The following LIMCH1 variants were observed in gnomAD, a reference collection of about 807,000 sequenced individuals.
LIMCH1 encodes LIM and calponin homology domains 1.
LIMCH1 carries 113 observed loss-of-function variants against 176.5 expected under a neutral mutation model. That is an observed-to-expected ratio of 0.64 (90% CI 0.55 to 0.75). The LOEUF (loss-of-function observed/expected upper bound fraction) is 0.75, where lower values mean the gene tolerates loss of function less well. Ranked by LOEUF, LIMCH1 falls within the 30% of genes least tolerant of loss-of-function variation. The pLI is 0.00. For missense variants in LIMCH1, 1,674 were observed against 1,814.9 expected (o/e 0.92, Z 1.41); for synonymous variants, 619 against 645.9 (o/e 0.96, Z 0.63).
intron 1 of LIMCH1, among the ~76,000 whole-genome samples, chr4:41,477,688 G>T (rs911411187): frequency 6.6e-6 from 1 of 152,156 alleles, no homozygotes; most frequent in Admixed American, 6.6e-5. Flanking sequence ...CTGACTAGGC[G>T]TTGCTACACA....
At chr4:41,509,514 G>T (rs1047223337) in intron 2 of LIMCH1, among the ~76,000 whole-genome samples, 1 of 152,146 alleles carries the variant, frequency 6.6e-6, no homozygotes, top group Non-Finnish European at 1.5e-5. Context: ...ATCACAATTG[G>T]CCACGCTGAC....
intron 1 of LIMCH1, among the ~76,000 whole-genome samples, chr4:41,550,011 A>T (rs927454068): frequency 2.6e-5 from 4 of 151,754 alleles, no homozygotes; most frequent in Non-Finnish European, 5.9e-5. Flanking sequence ...AAATAATGGC[A>T]AAATAAAAAG....
chr4:41,475,209 CTG>C (rs2067550602), intron 1 of LIMCH1, among the ~76,000 whole-genome samples: 1 of 152,176 alleles, frequency 6.6e-6, no homozygotes, highest in Non-Finnish European at 1.5e-5. Context: ...AAGATGTTGA[CTG>C]TTTATAAATA....
chr4:41,626,113 TG>T (rs1311639940), intron 7 of LIMCH1, among the ~76,000 whole-genome samples: 1 of 152,150 alleles, frequency 6.6e-6, no homozygotes, highest in Non-Finnish European at 1.5e-5. Context: ...ATAAGCTTCC[TG>T]GGAGTGGAGG....
At chr4:41,564,525 A>C (rs1389572108) in intron 1 of LIMCH1, among the ~76,000 whole-genome samples, 1 of 152,094 alleles carries the variant, frequency 6.6e-6, no homozygotes, top group African/African-American at 2.4e-5. Context: ...CATACATTAA[A>C]CCCGATATTT....
chr4:41,472,741 T>G (rs1420643614), intron 1 of LIMCH1, among the ~76,000 whole-genome samples: 1 of 152,196 alleles, frequency 6.6e-6, no homozygotes, highest in African/African-American at 2.4e-5. Context: ...ATAATTTTCC[T>G]GCAAGGTAGT....
At chr4:41,511,669 G>A (rs2074942259) in intron 2 of LIMCH1, among the ~76,000 whole-genome samples, 1 of 152,182 alleles carries the variant, frequency 6.6e-6, no homozygotes, top group African/African-American at 2.4e-5. Flanking sequence ...AAGGGAGGAC[G>A]GGAAGAAGAA....
intron 2 of LIMCH1, among the ~76,000 whole-genome samples, chr4:41,497,665 C>T (rs1229556599): frequency 1.3e-5 from 2 of 152,046 alleles, no homozygotes; most frequent in Non-Finnish European, 2.9e-5. Flanking sequence ...ATTAGCTGGG[C>T]TTGGTGGCGG....
At chr4:41,476,739 A>G (rs2067809583) in intron 1 of LIMCH1, among the ~76,000 whole-genome samples, 1 of 152,110 alleles carries the variant, frequency 6.6e-6, no homozygotes, top group Non-Finnish European at 1.5e-5. Flanking sequence ...CCCTTAATGG[A>G]TATGTATTTT....
Position 41,422,117 on chromosome 4 carries a change from A to T in LIMCH1, c.96+61181A>T, listed in dbSNP as rs868844233. Reference sequence around the variant, plus strand: ...AAAGAAACAAATAAACAAACAACAGAGAGTGAGAGAGATTAGAGACTTTTC... The same window carrying T: ...AAAGAAACAAATAAACAAACAACAGTGAGTGAGAGAGATTAGAGACTTTTC... On this transcript the variant is annotated intron_variant, in intron 1 of 26. Coordinates refer to the LIMCH1 transcript ENST00000313860. Among the ~76,000 whole-genome samples, 650 of 152,274 alleles carry T rather than the reference A, an allele frequency of 4.3e-3. 4 individuals are homozygous for T. The highest frequency in any genetic ancestry group is 0.015 in the African/African-American group (627 of 41,564).
intron 1 of LIMCH1, among the ~76,000 whole-genome samples, chr4:41,414,786 T>G (rs2059784766): frequency 6.6e-6 from 1 of 152,170 alleles, no homozygotes. Context: ...TACAAGTGGG[T>G]CTCAATATAT....
chr4:41,524,512 A>G, intron 3 of LIMCH1: 1 of 1,511,932 alleles, frequency 6.6e-7, no homozygotes, highest in Non-Finnish European at 9.2e-7. Context: ...ATTTTCCAAT[A>G]TTCCTTTGCT....
In LIMCH1 at chr4:41,371,144, C is replaced by T. The variant is rs534745446; in HGVS notation, c.96+10208C>T. ...CGAAACTTCTAAAAAGATCATGGTC[C>T]CAAGTAACTACCTAACCAAGCAGGT... On this transcript the variant is annotated intron_variant, in intron 1 of 26. Coordinates refer to the LIMCH1 transcript ENST00000313860. Among the ~76,000 whole-genome samples, 3 of 152,228 alleles carry T rather than the reference C, an allele frequency of 2.0e-5. No homozygotes were observed. In the South Asian group the frequency reaches 6.2e-4, roughly 32 times the overall value.
At chr4:41,436,240 A>G (rs953042872) in intron 1 of LIMCH1, among the ~76,000 whole-genome samples, 3 of 151,978 alleles carry the variant, frequency 2.0e-5, no homozygotes. Flanking sequence ...AGGTACCTGG[A>G]CTCCACAACT....
intron 15 of LIMCH1, among the ~76,000 whole-genome samples, chr4:41,645,176 A>G (rs940752757): frequency 1.2e-4 from 19 of 152,186 alleles, no homozygotes; most frequent in Admixed American, 9.8e-4. Flanking sequence ...AGGAAGGCTA[A>G]AGAGGCTGAT....
chr4:41,682,317 T>C lies in LIMCH1; in HGVS notation c.3718-16T>C. ...TTAAAATTTATACTTAAGATTTTCA[T>C]TGTTTTTCTCCTTAGAATAAGATAG... On this transcript the variant is annotated splice_polypyrimidine_tract_variant and intron_variant, in intron 25 of 31. Transcript: ENST00000503057. 1 of 1,596,908 alleles carries C rather than the reference T, an allele frequency of 6.3e-7. No individual in the cohort carries two copies. Among genetic ancestry groups the C allele is most frequent in the South Asian group, 1.1e-5 (1 of 89,266 alleles).
rs146372801 is a variant in LIMCH1, at chr4:41,410,546, C to T, written c.96+49610C>T. 4.1e-3 allele frequency among the ~76,000 whole-genome samples: 625 copies of T among 152,218 alleles called. 4 individuals carry two copies. The highest frequency in any genetic ancestry group is 0.013 in the African/African-American group (560 of 41,548). On this transcript the variant is annotated intron_variant, in intron 1 of 26. Coordinates refer to the LIMCH1 transcript ENST00000313860. ...TCTGCCCTCAAACCACTTTACATCT[C>T]GACCAGGGTGTGATAGCTCTGCTTG...
chr4:41,651,903 A>G (rs1247206903), intron 18 of LIMCH1, among the ~76,000 whole-genome samples: 1 of 152,220 alleles, frequency 6.6e-6, no homozygotes, highest in Non-Finnish European at 1.5e-5. Flanking sequence ...ATCTCTCACC[A>G]GAAAGACTCA....
intron 1 of LIMCH1, among the ~76,000 whole-genome samples, chr4:41,546,197 G>C (rs939868142): frequency 1.3e-5 from 2 of 152,034 alleles, no homozygotes; most frequent in Admixed American, 1.3e-4. Flanking sequence ...GGAGTGCAGT[G>C]GTGTGATCTC....
Sources: gnomAD v4.1 joint callset for allele counts (sites outside exome capture counted in the v4.1 genomes callset) on GRCh38, gnomAD v4.1.1 for gene constraint, MANE v1.5 for transcripts, NCBI Gene and HGNC (gene_info 2026-07-23, HGNC 2026-07-21) for gene names.